Variants in SSBP2 observed in about 807,000 individuals in gnomAD.
SSBP2 encodes single-stranded DNA-binding protein 2.
SSBP2 carries 17 observed loss-of-function variants against 61.8 expected under a neutral mutation model. The ratio of observed to expected loss-of-function variants is 0.28; its 90% CI spans 0.19 to 0.41. The LOEUF (loss-of-function observed/expected upper bound fraction) is 0.41. Ranked by LOEUF, SSBP2 falls within the 10% of genes least tolerant of loss-of-function variation. The probability of loss-of-function intolerance (pLI) is 1.00; values close to 1 mark genes in which losing one functional copy is unlikely to be tolerated. For synonymous variants in SSBP2, 139 were observed against 141.3 expected (o/e 0.98, Z 0.12); for missense variants, 310 against 458.7 (o/e 0.68, Z 2.96).
intron 1 of SSBP2, among the ~76,000 whole-genome samples, chr5:81,747,028 G>GGC (rs1757393386): frequency 7.1e-6 from 1 of 140,930 alleles, no homozygotes; most frequent in Non-Finnish European, 1.6e-5. Flanking sequence ...TTCCTGGGGG[G>GGC]GGGGGGAATC....
At chr5:81,745,611 T>C (rs913688903) in intron 1 of SSBP2, among the ~76,000 whole-genome samples, 2 of 152,066 alleles carry the variant, frequency 1.3e-5, no homozygotes, top group South Asian at 2.1e-4. Context: ...CCCACACCAA[T>C]GGCAAAGCAA....
intron 4 of SSBP2, among the ~76,000 whole-genome samples, chr5:81,544,658 T>C (rs1771589657): frequency 6.6e-6 from 1 of 152,194 alleles, no homozygotes; most frequent in African/African-American, 2.4e-5. Flanking sequence ...GATATCCTAA[T>C]TGTTCAAAGG....
chr5:81,699,051 A>G (rs1393014416), intron 1 of SSBP2, among the ~76,000 whole-genome samples: 2 of 152,256 alleles, frequency 1.3e-5, no homozygotes, highest in Non-Finnish European at 2.9e-5. Flanking sequence ...TATAAAAGCT[A>G]TGTTTACACT....
In SSBP2 at chr5:81,445,160, ATATATATATATATATATG is replaced by A. The variant is rs1377315298; in HGVS notation, c.778+1690_778+1707del. Among the ~76,000 whole-genome samples the A allele has an allele frequency of 1.8e-3, 170 of 96,196 alleles. 21 individuals are homozygous for A. Among genetic ancestry groups the A allele is most frequent in the African/African-American group, 3.5e-3 (94 of 27,146 alleles). 63.1% of individuals were successfully genotyped at this position (96,196 alleles called of 152,430 possible). On this transcript the variant is annotated intron_variant, in intron 12 of 16. Coordinates refer to ENST00000320672, the MANE Select transcript of SSBP2 (RefSeq NM_012446.5). The stretch of plus-strand genomic sequence containing the variant: ...ATTTTATATATATATATATATATAT[ATATATATATATATATATG>A]TATGTATTTACTGGAAAATGTCTGA...
chr5:81,488,658 T>A (rs1263503779), intron 6 of SSBP2, among the ~76,000 whole-genome samples: 2 of 151,056 alleles, frequency 1.3e-5, no homozygotes, highest in Non-Finnish European at 3.0e-5. Context: ...ACCCATTAAC[T>A]CATCATTTAG....
chr5:81,577,093 T>C (rs1774270297), intron 4 of SSBP2, among the ~76,000 whole-genome samples: 1 of 152,058 alleles, frequency 6.6e-6, no homozygotes, highest in African/African-American at 2.4e-5. Flanking sequence ...CATATAAAAT[T>C]ATGCTACATG....
At chr5:81,613,138 G>C (rs771979590) in intron 4 of SSBP2, among the ~76,000 whole-genome samples, 4 of 151,764 alleles carry the variant, frequency 2.6e-5, no homozygotes, top group Non-Finnish European at 5.9e-5. Context: ...AAAAGAAATT[G>C]GTTTTAAGAT....
At chr5:81,566,174 CT>C (rs1773407152) in intron 4 of SSBP2, among the ~76,000 whole-genome samples, 1 of 152,122 alleles carries the variant, frequency 6.6e-6, no homozygotes, top group Non-Finnish European at 1.5e-5. Flanking sequence ...AATTTAGATT[CT>C]GATGAATAGC....
chr5:81,692,085 G>A (rs1183865524), intron 1 of SSBP2, among the ~76,000 whole-genome samples: 3 of 152,128 alleles, frequency 2.0e-5, no homozygotes, highest in Non-Finnish European at 4.4e-5. Context: ...GTCTGCAGAT[G>A]ACTTTATCTT....
intron 2 of SSBP2, among the ~76,000 whole-genome samples, chr5:81,637,421 T>C (rs1250960823): frequency 3.3e-5 from 5 of 152,232 alleles, no homozygotes; most frequent in African/African-American, 1.2e-4. Context: ...TTTCCACATA[T>C]TACATTCTCT....
intron 1 of SSBP2, among the ~76,000 whole-genome samples, chr5:81,749,985 C>G (rs1467164081): frequency 6.6e-6 from 1 of 152,100 alleles, no homozygotes; most frequent in East Asian, 1.9e-4. Context: ...TCCTCGGGCG[C>G]CCCCGGCGGC....
At chr5:81,649,228 C>A (rs760987414) in intron 2 of SSBP2, among the ~76,000 whole-genome samples, 3 of 152,058 alleles carry the variant, frequency 2.0e-5, no homozygotes, top group African/African-American at 4.8e-5. Context: ...ATGCAAATTT[C>A]TTATAAGAAT....
intron 6 of SSBP2, among the ~76,000 whole-genome samples, chr5:81,479,657 A>T (rs774753454): frequency 7.9e-5 from 12 of 152,176 alleles, no homozygotes; most frequent in Non-Finnish European, 1.5e-4. Context: ...AGGGTACTTA[A>T]TAAAAACAAA....
At chr5:81,592,180 A>C (rs1428102014) in intron 4 of SSBP2, among the ~76,000 whole-genome samples, 1 of 152,238 alleles carries the variant, frequency 6.6e-6, no homozygotes, top group African/African-American at 2.4e-5. Context: ...GCACACCAGG[A>C]GATTATATCC....
chr5:81,449,191 T>A (rs937483884), intron 10 of SSBP2, among the ~76,000 whole-genome samples: 1 of 152,178 alleles, frequency 6.6e-6, no homozygotes, highest in African/African-American at 2.4e-5. Context: ...TATTTACACA[T>A]ACAATTTCTA....
At chr5:81,472,617 A>T (rs1183817300) in intron 8 of SSBP2, among the ~76,000 whole-genome samples, 2 of 151,836 alleles carry the variant, frequency 1.3e-5, no homozygotes, top group African/African-American at 2.4e-5. Flanking sequence ...TATTTTTTTG[A>T]GACGGAGTTT....
intron 4 of SSBP2, among the ~76,000 whole-genome samples, chr5:81,562,324 A>G (rs917280599): frequency 2.0e-5 from 3 of 152,236 alleles, no homozygotes; most frequent in African/African-American, 7.2e-5. Flanking sequence ...TAAGTAAGAT[A>G]TACATTCTTT....
At chr5:81,612,202 T>C (rs956767375) in intron 4 of SSBP2, among the ~76,000 whole-genome samples, 16 of 152,294 alleles carry the variant, frequency 1.1e-4, no homozygotes, top group African/African-American at 3.6e-4. Context: ...TTAGAATGGC[T>C]GAAAATTACA....
At chr5:81,435,760 C>T (rs546859299) in intron 15 of SSBP2, among the ~76,000 whole-genome samples, 18 of 152,012 alleles carry the variant, frequency 1.2e-4, no homozygotes, top group Admixed American at 3.3e-4. Flanking sequence ...GGGAGATGGC[C>T]TAAAACTATC....
Sources: gnomAD v4.1 joint callset for allele counts (sites outside exome capture counted in the v4.1 genomes callset) on GRCh38, gnomAD v4.1.1 for gene constraint, MANE v1.5 for transcripts, NCBI Gene and HGNC (gene_info 2026-07-23, HGNC 2026-07-21) for gene names.